Variants in NCCRP1 observed in about 807,000 individuals in gnomAD.
The protein encoded by NCCRP1 is NCCRP1, F-box associated domain containing, also known as F-box only protein 50.
In NCCRP1, 32 loss-of-function variants were observed where a neutral mutation model predicts 34.4. The observed-to-expected ratio is 0.93, with a 90% confidence interval of 0.70 to 1.25. NCCRP1 has a LOEUF of 1.25. Among genes scored for constraint, NCCRP1 ranks in the 50% most tolerant of loss-of-function variants. The pLI is 0.00. For missense variants in NCCRP1, 372 were observed against 391.8 expected (o/e 0.95, Z 0.43); for synonymous variants, 172 against 180.1 (o/e 0.95, Z 0.36).
At position 39,200,534 on chromosome 19, in the gene NCCRP1, C is replaced by A. The variant is rs766924485; in HGVS notation, c.687+50C>A. On this transcript the variant is annotated intron_variant, in intron 5 of 5. Transcript: ENST00000339852. This position sits in a 1 kb window ranked among gnomAD's most constrained non-coding sequence, Gnocchi z 5.8. ...TCAACCCCAGACGTGTGTTCTTGTCCCAAGACCTCACAGAGGGAGGAGAAC... is the reference window on the plus strand; with the variant it reads ...TCAACCCCAGACGTGTGTTCTTGTCACAAGACCTCACAGAGGGAGGAGAAC... 17 of 1,610,316 alleles carry A rather than the reference C, an allele frequency of 1.1e-5. No homozygotes were observed. Among genetic ancestry groups the A allele is most frequent in the Non-Finnish European group, 1.4e-5 (17 of 1,178,284 alleles).
chr19:39,199,520 T>C (rs1346524867), intron 4 of NCCRP1, among the ~76,000 whole-genome samples: 3 of 129,812 alleles, frequency 2.3e-5, no homozygotes, highest in African/African-American at 2.8e-5. Context: ...TTTTTTTTTT[T>C]TTTTTTTTTT....
At chr19:39,199,505 C>CTTTTTTTTTTTTTTTTTT (rs2074778661) in intron 4 of NCCRP1, among the ~76,000 whole-genome samples, 1 of 74,040 alleles carries the variant, frequency 1.4e-5, no homozygotes, top group African/African-American at 4.5e-5. Flanking sequence ...TTTCTTTTTT[C>CTTTTTTTTTTTTTTTTTT]TTTCTTTTTT....
chr19:39,197,211 TG>T lies in NCCRP1; in HGVS notation c.234del (p.Pro79ArgfsTer2). On this transcript the variant is annotated frameshift_variant, in exon 1 of 6. Transcript: ENST00000339852. LOFTEE classifies it high-confidence loss of function. ...CGCCCGGCAGCTGCTGCTGGAGGAG[TG>T]GGGGCCGCTGAGCGGGGGCCTGGAG... ...AHARQLLLEE[W>X]GPLSGGLELP... is the part of the protein sequence containing the mutation. 6.9e-7 allele frequency: 1 copy of T among 1,441,696 alleles called. No individual in the cohort carries two copies. The highest frequency in any genetic ancestry group is 9.0e-7 in the Non-Finnish European group (1 of 1,109,746). The allele number at this position is 1,441,696 out of a possible 1,614,324, so 89.3% of individuals were successfully genotyped here. A position where few individuals can be genotyped will look rare whatever the true frequency, so the allele number is the denominator to read the frequency against.
Position 39,200,447 on chromosome 19 carries a change from G to C in NCCRP1, c.650G>C (p.Arg217Pro). Residue 217 changes from arginine (R) to proline (P), a missense_variant, in exon 5 of 6, where the codon CGA becomes CCA. Transcript: ENST00000339852. This position sits in a 1 kb window ranked among gnomAD's most constrained non-coding sequence, Gnocchi z 5.8. ...TVIAQHHVAP[R>P]TSGRGPPGRW... is the part of the protein sequence containing the mutation. ...ATTGCTCAGCACCACGTGGCCCCCC[G>C]AACTTCTGGGAGAGGACCCCCTGGC... 6.2e-7 allele frequency: 1 copy of C among 1,613,446 alleles called. No individual in the cohort carries two copies. The highest frequency in any genetic ancestry group is 8.5e-7 in the Non-Finnish European group (1 of 1,180,016).
rs1347374937 is a variant in NCCRP1 at position 39,199,228 on chromosome 19, C to CT, written c.512dup (p.Asp172GlyfsTer2). The CT allele has an allele frequency of 2.5e-6, 4 of 1,613,936 alleles. No individual in the cohort carries two copies. In the African/African-American group the frequency reaches 5.3e-5, roughly 22 times the overall value. The stretch of plus-strand genomic sequence containing the variant: ...GGCCGAGGGCCTGTGGGAGGAGCTG[C>CT]TGGATGACGAACAACCAGCCATTAC... On this transcript the variant is annotated frameshift_variant, in exon 4 of 6. Coordinates refer to ENST00000339852, the MANE Select transcript of NCCRP1 (RefSeq NM_001001414.2). LOFTEE classifies it high-confidence loss of function.
intron 4 of NCCRP1, among the ~76,000 whole-genome samples, chr19:39,199,509 CTTTTTTT>C (rs150534648): frequency 2.1e-4 from 14 of 67,870 alleles, no homozygotes; most frequent in South Asian, 1.5e-3. Flanking sequence ...TTTTTTCTTT[CTTTTTTT>C]TTTTTTTTTT....
Position 39,199,158 on chromosome 19 carries a change from C to T in NCCRP1, c.453-12C>T, listed in dbSNP as rs2074775763. 1.9e-6 allele frequency: 3 copies of T among 1,613,560 alleles called. No individual in the cohort carries two copies. In the South Asian group the frequency reaches 3.3e-5, roughly 18 times the overall value. On this transcript the variant is annotated splice_polypyrimidine_tract_variant and intron_variant, in intron 3 of 5. Transcript: ENST00000339852. ...ATCGCAGACCCCGCCTCTCCCGGCC[C>T]TTCTTTCACAGCTGGACAGTGAAGC...
In NCCRP1 at chr19:39,200,843, C is replaced by T; in HGVS notation, c.*87C>T. The T allele has an allele frequency of 6.8e-7, 1 of 1,477,362 alleles. No homozygotes were observed. The allele number at this position is 1,477,362 out of a possible 1,614,324, so 91.5% of individuals were successfully genotyped here. On this transcript the variant is annotated 3_prime_UTR_variant, in exon 6 of 6. Transcript: ENST00000339852. The surrounding 1 kb of genome is among the most constrained non-coding windows in gnomAD (Gnocchi z 5.8). ...TAGTCACCTCCTAGGCCTCTTATTT[C>T]TCCCTGGCCCTTGGCTTCTCACTTG...
At position 39,198,288 on chromosome 19, in the gene NCCRP1, T is replaced by C. The variant is rs1192386092; in HGVS notation, c.452+35T>C. The C allele has an allele frequency of 3.7e-6, 6 of 1,607,078 alleles. No homozygotes were observed. In the African/African-American group the frequency reaches 8.0e-5, roughly 21 times the overall value. On this transcript the variant is annotated intron_variant, in intron 3 of 5. Coordinates refer to ENST00000339852, the MANE Select transcript of NCCRP1 (RefSeq NM_001001414.2). ...CAGGGCCAGTGTGGCTTACACTCCA[T>C]TCCCTGCTCCACCCTTCCTCACTGT...
Position 39,198,112 on chromosome 19 carries a change from C to G in NCCRP1, c.397C>G (p.Leu133Val). ...TCCCACCCAGCGACCCCTGGAAACTCTGGGTAAGTGCTTGGAGGGCCAGGT... is the reference window on the plus strand; with the variant it reads ...TCCCACCCAGCGACCCCTGGAAACTGTGGGTAAGTGCTTGGAGGGCCAGGT... The part of the protein sequence containing the change: ...TGPTQRPLET[L>V]GNFRGWYIRT... Residue 133 changes from leucine (L) to valine (V), a missense_variant, in exon 2 of 6, where the codon CTG becomes GTG. Physicochemically the swap from Leu to Val is conservative, Grantham distance 32 (BLOSUM62 1). Coordinates refer to ENST00000339852, the MANE Select transcript of NCCRP1 (RefSeq NM_001001414.2). The G allele has an allele frequency of 6.2e-7, 1 of 1,614,206 alleles. No individual in the cohort carries two copies. Among genetic ancestry groups the G allele is most frequent in the Non-Finnish European group, 8.5e-7 (1 of 1,180,042 alleles).
At position 39,200,266 on chromosome 19, in the gene NCCRP1, T is replaced by G; in HGVS notation, c.549-80T>G. 6.4e-7 allele frequency: 1 copy of G among 1,560,016 alleles called. No homozygotes were observed. The highest frequency in any genetic ancestry group is 8.7e-7 in the Non-Finnish European group (1 of 1,145,266). ...ACAGCATGGGTAGCAGCATGTGTGT[T>G]GAATGGGGAATGGGGCCAGGGGCTG... On this transcript the variant is annotated intron_variant, in intron 4 of 5. Coordinates refer to ENST00000339852, the MANE Select transcript of NCCRP1 (RefSeq NM_001001414.2). The surrounding 1 kb of genome is among the most constrained non-coding windows in gnomAD (Gnocchi z 5.8).
rs367555888 is a variant in NCCRP1 at position 39,200,616 on chromosome 19, G to A, written c.688G>A (p.Val230Met). The change falls in exon 6 of 6, where the codon GTG becomes ATG. Residue 230 changes from valine (V) to methionine (M), a missense_variant and splice_region_variant. Coordinates refer to ENST00000339852, the MANE Select transcript of NCCRP1 (RefSeq NM_001001414.2). This position sits in a 1 kb window ranked among gnomAD's most constrained non-coding sequence, Gnocchi z 5.8. The stretch of plus-strand genomic sequence containing the variant: ...CTAACCCCAGGTGCTGTCACCACAG[G>A]TGTCCCACGTATTCCGCCATTATGG... ...GRGPPGRWVQ[V>M]SHVFRHYGPG... The A allele has an allele frequency of 3.1e-6, 5 of 1,613,876 alleles. No homozygotes were observed. Among genetic ancestry groups the A allele is most frequent in the Non-Finnish European group, 4.2e-6 (5 of 1,179,982 alleles).
Position 39,197,190 on chromosome 19 carries a change from C to A in NCCRP1, c.208C>A (p.Arg70=). The A allele has an allele frequency of 1.4e-6, 2 of 1,427,642 alleles. No homozygotes were observed. The highest frequency in any genetic ancestry group is 1.8e-6 in the Non-Finnish European group (2 of 1,104,742). 88.4% of individuals were successfully genotyped at this position (1,427,642 alleles called of 1,614,324 possible). ...GGCGCAGCCGTCCGAGGCTCACGCC[C>A]GGCAGCTGCTGCTGGAGGAGTGGGG... ...EPAQPSEAHA[R]QLLLEEWGPL... Residue 70 remains arginine (R), a synonymous_variant, in exon 1 of 6, where the codon CGG becomes AGG. Coordinates refer to ENST00000339852, the MANE Select transcript of NCCRP1 (RefSeq NM_001001414.2).
rs1282333185 is a variant in NCCRP1, at chr19:39,200,942, G to A, written c.*186G>A. 4.5e-6 allele frequency: 3 copies of A among 667,398 alleles called. No individual in the cohort carries two copies. The highest frequency in any genetic ancestry group is 7.4e-6 in the Non-Finnish European group (3 of 407,676). The allele number at this position is 667,398 out of a possible 1,614,324, so 41.3% of individuals were successfully genotyped here. Reference sequence around the variant, plus strand: ...GCACTGTCTGAGCCCCATGAGGGCGGAGCCACTCCTTGTAAATTCAGTGCC... The same window carrying A: ...GCACTGTCTGAGCCCCATGAGGGCGAAGCCACTCCTTGTAAATTCAGTGCC... On this transcript the variant is annotated 3_prime_UTR_variant, in exon 6 of 6. Transcript: ENST00000339852. The surrounding 1 kb of genome is among the most constrained non-coding windows in gnomAD (Gnocchi z 5.8).
At position 39,200,624 on chromosome 19, in the gene NCCRP1, C is replaced by A; in HGVS notation, c.696C>A (p.His232Gln). The A allele has an allele frequency of 6.2e-7, 1 of 1,614,044 alleles. No individual in the cohort carries two copies. The highest frequency in any genetic ancestry group is 8.5e-7 in the Non-Finnish European group (1 of 1,179,964). Residue 232 changes from histidine to glutamine, a missense_variant, in exon 6 of 6, where the codon CAC becomes CAA. Coordinates refer to ENST00000339852, the MANE Select transcript of NCCRP1 (RefSeq NM_001001414.2). The surrounding 1 kb of genome is among the most constrained non-coding windows in gnomAD (Gnocchi z 5.8). ...GPPGRWVQVS[H>Q]VFRHYGPGVR... ...AGGTGCTGTCACCACAGGTGTCCCACGTATTCCGCCATTATGGTCCCGGTG... is the reference window on the plus strand; with the variant it reads ...AGGTGCTGTCACCACAGGTGTCCCAAGTATTCCGCCATTATGGTCCCGGTG...
In NCCRP1 at chr19:39,200,441, C is replaced by A; in HGVS notation, c.644C>A (p.Ala215Asp). 6.2e-7 allele frequency: 1 copy of A among 1,613,402 alleles called. No individual in the cohort carries two copies. The highest frequency in any genetic ancestry group is 1.1e-5 in the South Asian group (1 of 91,076). Residue 215 changes from alanine to aspartate, a missense_variant, in exon 5 of 6, where the codon GCC becomes GAC. Ala to Asp is a moderately radical substitution (Grantham distance 126). Coordinates refer to ENST00000339852, the MANE Select transcript of NCCRP1 (RefSeq NM_001001414.2). This position sits in a 1 kb window ranked among gnomAD's most constrained non-coding sequence, Gnocchi z 5.8. ...ACGGTCATTGCTCAGCACCACGTGG[C>A]CCCCCGAACTTCTGGGAGAGGACCC... The part of the protein sequence containing the change: ...RRTVIAQHHV[A>D]PRTSGRGPPG...
In NCCRP1 at chr19:39,198,145, G is replaced by C. The variant is rs778089447; in HGVS notation, c.400+30G>C. ...GTGCTTGGAGGGCCAGGTTGCTGAG[G>C]GTGGGGAGGGTCCTCCAGCGTTGGG... On this transcript the variant is annotated intron_variant, in intron 2 of 5. Coordinates refer to ENST00000339852, the MANE Select transcript of NCCRP1 (RefSeq NM_001001414.2). The C allele has an allele frequency of 3.7e-6, 6 of 1,614,084 alleles. No homozygotes were observed. In the African/African-American group the frequency reaches 8.0e-5, roughly 22 times the overall value.
At position 39,200,437 on chromosome 19, in the gene NCCRP1, G is replaced by A. The variant is rs746270847; in HGVS notation, c.640G>A (p.Val214Met). 33 of 1,613,386 alleles carry A rather than the reference G, an allele frequency of 2.0e-5. No homozygotes were observed. The highest frequency in any genetic ancestry group is 6.7e-5 in the Admixed American group (4 of 60,006). Reference protein sequence around the residue: ...DRRTVIAQHHVAPRTSGRGPP... With the variant: ...DRRTVIAQHHMAPRTSGRGPP... ...CCGCACGGTCATTGCTCAGCACCACGTGGCCCCCCGAACTTCTGGGAGAGG... is the reference window on the plus strand; with the variant it reads ...CCGCACGGTCATTGCTCAGCACCACATGGCCCCCCGAACTTCTGGGAGAGG... Residue 214 changes from valine (V) to methionine (M), a missense_variant, in exon 5 of 6, where the codon GTG becomes ATG. Val to Met is a conservative substitution (Grantham distance 21, BLOSUM62 1). Coordinates refer to ENST00000339852, the MANE Select transcript of NCCRP1 (RefSeq NM_001001414.2). This position sits in a 1 kb window ranked among gnomAD's most constrained non-coding sequence, Gnocchi z 5.8.
chr19:39,197,116 C>G lies in NCCRP1; in HGVS notation c.134C>G (p.Pro45Arg). The change falls in exon 1 of 6, where the codon CCG becomes CGG. Residue 45 changes from proline (P) to arginine (R), a missense_variant. By Grantham distance (103) the Pro-to-Arg change is moderately radical. Transcript: ENST00000339852. ...TCGCCGCCACCACTGCCCTCGCCGC[C>G]GTCGCTGCCATCGCCCGCAGCCCCG... ...PPSPPPLPSP[P>R]SLPSPAAPEA... 1 of 1,520,098 alleles carries G rather than the reference C, an allele frequency of 6.6e-7. No individual in the cohort carries two copies. Among genetic ancestry groups the G allele is most frequent in the Non-Finnish European group, 8.8e-7 (1 of 1,141,014 alleles). The allele number at this position is 1,520,098 out of a possible 1,614,324, so 94.2% of individuals were successfully genotyped here.
Sources: allele counts gnomAD v4.1 joint callset (sites outside exome capture counted in the v4.1 genomes callset), GRCh38; gene constraint gnomAD v4.1.1; non-coding constraint Gnocchi (gnomAD v3.1); transcripts MANE v1.5; gene names NCBI Gene and HGNC (gene_info 2026-07-23, HGNC 2026-07-21).